GRIK1: variants seen among roughly 807,000 people sequenced by gnomAD.
GRIK1 encodes the protein glutamate ionotropic receptor kainate type subunit 1.
GRIK1 carries 69 observed loss-of-function variants against 105.7 expected under a neutral mutation model. The observed-to-expected ratio is 0.65, with a 90% CI of 0.54 to 0.80. The LOEUF (loss-of-function observed/expected upper bound fraction) is 0.80. Among genes scored for constraint, GRIK1 ranks in the 30% least tolerant of loss-of-function variants. The pLI is 0.00. For synonymous variants in GRIK1, 438 were observed against 431.3 expected (o/e 1.02, Z -0.19); for missense variants, 1,109 against 1,167.3 (o/e 0.95, Z 0.73).
chr21:29,814,116 T>TA (rs2067087416), intron 1 of GRIK1, among the ~76,000 whole-genome samples: 1 of 145,592 alleles, frequency 6.9e-6, no homozygotes, highest in Non-Finnish European at 1.5e-5. Context: ...TAATAATAAT[T>TA]ATTATTTTTT....
At chr21:29,711,860 AAAAC>A (rs1601510938) in intron 1 of GRIK1, among the ~76,000 whole-genome samples, 1 of 152,054 alleles carries the variant, frequency 6.6e-6, no homozygotes, top group South Asian at 2.1e-4. Flanking sequence ...TTTCTAATGA[AAAAC>A]AAAGTAGCTC....
intron 14 of GRIK1, among the ~76,000 whole-genome samples, chr21:29,573,032 C>G (rs2090791910): frequency 6.6e-6 from 1 of 152,152 alleles, no homozygotes; most frequent in Admixed American, 6.5e-5. Flanking sequence ...CTCGGCCTCC[C>G]AAAGTGCTGG....
chr21:29,750,530 T>C (rs1345962034), intron 1 of GRIK1, among the ~76,000 whole-genome samples: 2 of 152,120 alleles, frequency 1.3e-5, no homozygotes, highest in Non-Finnish European at 2.9e-5. Context: ...CAGGGGTGTA[T>C]AGACAAAATG....
At chr21:29,771,586 A>T (rs1023686864) in intron 1 of GRIK1, among the ~76,000 whole-genome samples, 1 of 152,180 alleles carries the variant, frequency 6.6e-6, no homozygotes, top group Non-Finnish European at 1.5e-5. Flanking sequence ...AAATACTAGT[A>T]ATGGTTGGTA....
chr21:29,836,129 T>A (rs969700771), intron 1 of GRIK1, among the ~76,000 whole-genome samples: 3 of 152,186 alleles, frequency 2.0e-5, no homozygotes, highest in Non-Finnish European at 4.4e-5. Flanking sequence ...CTTTGTAAAG[T>A]AAAGAGTATA....
chr21:29,615,821 A>G (rs373556974), intron 7 of GRIK1, among the ~76,000 whole-genome samples: 41 of 152,320 alleles, frequency 2.7e-4, no homozygotes, highest in African/African-American at 8.2e-4. Context: ...CTGGCTCACA[A>G]TATAACCTCA....
At chr21:29,825,762 A>C (rs2067436467) in intron 1 of GRIK1, among the ~76,000 whole-genome samples, 1 of 152,118 alleles carries the variant, frequency 6.6e-6, no homozygotes, top group South Asian at 2.1e-4. Context: ...TATGTTTTCT[A>C]AATTACTGCC....
intron 7 of GRIK1, among the ~76,000 whole-genome samples, chr21:29,612,971 C>G (rs937951956): frequency 2.0e-5 from 3 of 152,158 alleles, no homozygotes; most frequent in Non-Finnish European, 4.4e-5. Flanking sequence ...TGGAGAATGA[C>G]TTTGGAATCA....
intron 1 of GRIK1, among the ~76,000 whole-genome samples, chr21:29,788,712 T>C (rs1005719388): frequency 1.3e-5 from 2 of 152,206 alleles, no homozygotes. Context: ...CTTGAGCTTG[T>C]TTTCCTGCAA....
intron 1 of GRIK1, among the ~76,000 whole-genome samples, chr21:29,769,262 C>A (rs771879738): frequency 5.9e-5 from 9 of 151,924 alleles, no homozygotes; most frequent in Admixed American, 6.6e-5. Flanking sequence ...TAGGATGGGC[C>A]CTAATGCCAT....
At chr21:29,824,106 C>T (rs463954) in intron 1 of GRIK1, among the ~76,000 whole-genome samples, 124,126 of 151,846 alleles carry the variant, frequency 0.82, 51,413 homozygotes, top group East Asian at 0.93. Context: ...GATGGTGAGA[C>T]GTGGTCTGAT....
chr21:29,543,433 G>T (rs1290977687), intron 16 of GRIK1, among the ~76,000 whole-genome samples: 1 of 152,160 alleles, frequency 6.6e-6, no homozygotes, highest in Non-Finnish European at 1.5e-5. Context: ...CACTAATTAT[G>T]TGAAGGCAGG....
chr21:29,629,626 A>G (rs950722907), intron 7 of GRIK1, among the ~76,000 whole-genome samples: 19 of 151,670 alleles, frequency 1.3e-4, no homozygotes, highest in African/African-American at 4.4e-4. Flanking sequence ...AGTAGCTGGG[A>G]CTAGAGGCGC....
intron 1 of GRIK1, among the ~76,000 whole-genome samples, chr21:29,695,484 A>C (rs1029511446): frequency 4.0e-5 from 6 of 150,956 alleles, no homozygotes; most frequent in African/African-American, 1.2e-4. Flanking sequence ...ATCTATATAT[A>C]TATATTTTGA....
At chr21:29,634,512 C>T (rs2062353864) in intron 7 of GRIK1, among the ~76,000 whole-genome samples, 1 of 152,210 alleles carries the variant, frequency 6.6e-6, no homozygotes, top group African/African-American at 2.4e-5. Context: ...TAGAATTTAA[C>T]TTTCTGGCTT....
rs749273349 is a variant in GRIK1 at position 29,693,924 on chromosome 21, A to G, written c.258T>C (p.Leu86=). 3 of 1,613,430 alleles carry G rather than the reference A, an allele frequency of 1.9e-6. No individual in the cohort carries two copies. The Admixed American group carries it at 5.0e-5, about 27-fold the overall frequency. Residue 86 remains leucine, a synonymous_variant, in exon 2 of 18, where the codon CTT becomes CTC. Transcript: ENST00000327783. ...TLTYDIQRIN[L]FDSFEASRRA... is the part of the protein sequence containing the mutation. ...TCCGCGAGGCTTCAAAACTATCAAA[A>G]AGGTTAATTCTCTGGATGTCATAGG... is the stretch of plus-strand genomic sequence containing the variant.
chr21:29,891,466 A>C (rs1314875165), intron 1 of GRIK1, among the ~76,000 whole-genome samples: 3 of 152,210 alleles, frequency 2.0e-5, no homozygotes, highest in African/African-American at 7.2e-5. Flanking sequence ...TGCATAATGC[A>C]TTCTACATCT....
intron 1 of GRIK1, among the ~76,000 whole-genome samples, chr21:29,827,616 TA>T (rs1015581950): frequency 6.6e-6 from 1 of 151,914 alleles, no homozygotes; most frequent in African/African-American, 2.4e-5. Flanking sequence ...TAGATCAACG[TA>T]AAAAGACTTT....
At chr21:29,756,287 A>G (rs1359416916) in intron 1 of GRIK1, among the ~76,000 whole-genome samples, 2 of 152,102 alleles carry the variant, frequency 1.3e-5, no homozygotes, top group East Asian at 1.9e-4. Flanking sequence ...AGGCTGAGGC[A>G]GGAGAATGGC....
Sources: allele counts gnomAD v4.1 joint callset (sites outside exome capture counted in the v4.1 genomes callset), GRCh38; gene constraint gnomAD v4.1.1; transcripts MANE v1.5; gene names NCBI Gene and HGNC (gene_info 2026-07-23, HGNC 2026-07-21).